The following CYP19A1 variants were observed in gnomAD, a reference collection of about 807,000 sequenced individuals.
CYP19A1 encodes aromatase.
In CYP19A1, 32 loss-of-function variants were observed where a neutral mutation model predicts 44.4. That is an observed-to-expected ratio of 0.72 (90% confidence interval 0.54 to 0.97). The LOEUF (loss-of-function observed/expected upper bound fraction) is 0.97, where lower values mean the gene tolerates loss of function less well. Among genes scored for constraint, CYP19A1 ranks in the 50% least tolerant of loss-of-function variants. CYP19A1 has a pLI of 0.00. For synonymous variants in CYP19A1, 212 were observed against 215.6 expected (o/e 0.98, Z 0.14); for missense variants, 598 against 637.8 (o/e 0.94, Z 0.67).
intron 1 of CYP19A1, among the ~76,000 whole-genome samples, chr15:51,263,213 C>G (rs2034795391): frequency 6.6e-6 from 1 of 152,158 alleles, no homozygotes; most frequent in African/African-American, 2.4e-5. Flanking sequence ...TATTTTATCA[C>G]TGAAGCGGAA....
intron 1 of CYP19A1, among the ~76,000 whole-genome samples, chr15:51,251,884 C>A (rs1000778084): frequency 1.3e-5 from 2 of 152,158 alleles, no homozygotes; most frequent in African/African-American, 4.8e-5. Flanking sequence ...AGTGCTGGGG[C>A]CACCTAGCCT....
intron 3 of CYP19A1, among the ~76,000 whole-genome samples, chr15:51,229,976 T>C (rs1410663719): frequency 2.0e-5 from 3 of 152,216 alleles, no homozygotes; most frequent in Non-Finnish European, 4.4e-5. Flanking sequence ...TTATTAGTAA[T>C]AAAGAGCCAA....
rs569528762 is a variant in CYP19A1, at chr15:51,220,272, C to T, written c.629-1617G>A. ...CTGTGCCCACACACACTGTTGCCCT[C>T]CTTCACTTCCTGTCCTCTTGCCCTG... On this transcript the variant is annotated intron_variant, in intron 5 of 9. Coordinates refer to ENST00000396402, the MANE Select transcript of CYP19A1 (RefSeq NM_000103.4). Among the ~76,000 whole-genome samples the T allele has an allele frequency of 1.9e-4, 29 of 152,352 alleles. 1 individual carries two copies. The highest frequency in any genetic ancestry group is 6.7e-4 in the African/African-American group (28 of 41,586).
intron 1 of CYP19A1, among the ~76,000 whole-genome samples, chr15:51,310,206 C>T (rs574598111): frequency 1.3e-5 from 2 of 152,282 alleles, no homozygotes; most frequent in Admixed American, 6.5e-5. Flanking sequence ...TACAACCAAA[C>T]ACTCTTAACA....
At chr15:51,285,712 T>G (rs989170354) in intron 1 of CYP19A1, among the ~76,000 whole-genome samples, 4 of 152,200 alleles carry the variant, frequency 2.6e-5, no homozygotes, top group Non-Finnish European at 5.9e-5. Flanking sequence ...CAGCTGTAGA[T>G]CATGCACTTG....
chr15:51,239,199 G>A (rs754237021), intron 2 of CYP19A1, among the ~76,000 whole-genome samples: 5 of 152,228 alleles, frequency 3.3e-5, no homozygotes, highest in Non-Finnish European at 5.9e-5. Context: ...CCTAAAAGAA[G>A]CAGTGAATAC....
chr15:51,299,523 A>G (rs866001730), intron 1 of CYP19A1, among the ~76,000 whole-genome samples: 2 of 152,208 alleles, frequency 1.3e-5, no homozygotes, highest in Non-Finnish European at 2.9e-5. Context: ...AGAATGGAAA[A>G]GATGGGCCAT....
Position 51,242,637 on chromosome 15 carries a change from T to C in CYP19A1, c.145+131A>G, listed in dbSNP as rs1348445590. 4.4e-6 allele frequency: 3 copies of C among 683,776 alleles called. No homozygotes were observed. The East Asian group carries it at 8.1e-5, about 19-fold the overall frequency. 42.4% of individuals were successfully genotyped at this position (683,776 alleles called of 1,614,324 possible). On this transcript the variant is annotated intron_variant, in intron 2 of 9. Transcript: ENST00000396402. ...AATTTTCTCCCAAGTCCTCATTTGC[T>C]AACACAGACATAGTCTTCAGAGATC...
At chr15:51,222,564 C>A (rs770697869) in intron 4 of CYP19A1, 39 bp from the exon 5 acceptor site, 2 of 1,546,636 alleles carry the variant, frequency 1.3e-6, no homozygotes, top group East Asian at 4.6e-5. Context: ...ATCACGAACT[C>A]CAGGGCACAC....
At chr15:51,288,206 C>G (rs2035753586) in intron 1 of CYP19A1, among the ~76,000 whole-genome samples, 1 of 152,138 alleles carries the variant, frequency 6.6e-6, no homozygotes, top group African/African-American at 2.4e-5. Flanking sequence ...TGTCCCCAGC[C>G]CCTACCATCC....
At chr15:51,287,466 A>G (rs1256822298) in intron 1 of CYP19A1, among the ~76,000 whole-genome samples, 1 of 152,168 alleles carries the variant, frequency 6.6e-6, no homozygotes, top group African/African-American at 2.4e-5. Context: ...GCTGTCTCAC[A>G]TGCTACAAGT....
At chr15:51,248,469 A>T (rs1278768902) in intron 1 of CYP19A1, among the ~76,000 whole-genome samples, 1 of 152,212 alleles carries the variant, frequency 6.6e-6, no homozygotes, top group Non-Finnish European at 1.5e-5. Context: ...ATTTTATCTA[A>T]TGAAAGGATG....
chr15:51,249,237 G>C (rs184392079), intron 1 of CYP19A1, among the ~76,000 whole-genome samples: 1 of 152,110 alleles, frequency 6.6e-6, no homozygotes, highest in Non-Finnish European at 1.5e-5. Context: ...CACCATGTCC[G>C]ACCCCAAATT....
At chr15:51,264,470 A>C (rs563726981) in intron 1 of CYP19A1, among the ~76,000 whole-genome samples, 1 of 151,134 alleles carries the variant, frequency 6.6e-6, no homozygotes, top group South Asian at 2.1e-4. Flanking sequence ...AGTGAACCTT[A>C]CAGGAGATTT....
rs2030919916 is a variant in CYP19A1, at chr15:51,211,031, A to G, written c.1289T>C (p.Phe430Ser). ...TGCACAGCCACGGGGCCCAAAGCCAAATGGCTGAAAGTACCTATAAGGAAC... is the reference window on the plus strand; with the variant it reads ...TGCACAGCCACGGGGCCCAAAGCCAGATGGCTGAAAGTACCTATAAGGAAC... ...KNVPYRYFQP[F>S]GFGPRGCAGK... The change falls in exon 10 of 10, where the codon TTT becomes TCT. Residue 430 changes from phenylalanine to serine, a missense_variant. Coordinates refer to ENST00000396402, the MANE Select transcript of CYP19A1 (RefSeq NM_000103.4). 3.1e-6 allele frequency: 5 copies of G among 1,589,800 alleles called. No individual in the cohort carries two copies. The highest frequency in any genetic ancestry group is 3.3e-5 in the Admixed American group (2 of 59,952).
chr15:51,312,230 A>G (rs557077933), intron 1 of CYP19A1: 3 of 152,350 alleles, frequency 2.0e-5, no homozygotes, highest in South Asian at 4.1e-4. Flanking sequence ...CAATAAATGC[A>G]TTTCCAATTT....
intron 3 of CYP19A1, among the ~76,000 whole-genome samples, chr15:51,233,785 A>G (rs2033199437): frequency 6.6e-6 from 1 of 152,182 alleles, no homozygotes; most frequent in African/African-American, 2.4e-5. Context: ...AAACTAATCT[A>G]GGGACATATA....
At position 51,280,388 on chromosome 15, in the gene CYP19A1, A is replaced by G. The variant is rs373383015; in HGVS notation, c.-38-37438T>C. 2.3e-3 allele frequency among the ~76,000 whole-genome samples: 339 copies of G among 149,894 alleles called. 1 individual carries two copies. The highest frequency in any genetic ancestry group is 4.8e-3 in the Admixed American group (72 of 15,092). ...GCTGGGATTACAGGTGTGAGCCACCACGCCCAGCCAAAGCCTGCCCTTCTT... is the reference window on the plus strand; with the variant it reads ...GCTGGGATTACAGGTGTGAGCCACCGCGCCCAGCCAAAGCCTGCCCTTCTT... On this transcript the variant is annotated intron_variant, in intron 1 of 9. Transcript: ENST00000396402.
intron 1 of CYP19A1, chr15:51,279,095 T>A (rs2035426762): frequency 6.6e-6 from 1 of 152,172 alleles, no homozygotes; most frequent in South Asian, 2.1e-4. Context: ...TTTTTCTACC[T>A]CCTCCATTCT....
Sources: gnomAD v4.1 joint callset for allele counts (sites outside exome capture counted in the v4.1 genomes callset) on GRCh38, gnomAD v4.1.1 for gene constraint, MANE v1.5 for transcripts, NCBI Gene and HGNC (gene_info 2026-07-23, HGNC 2026-07-21) for gene names.